The following ARHGAP8 variants were observed in gnomAD, a reference collection of about 807,000 sequenced individuals.
ARHGAP8 encodes Rho GTPase activating protein 8, also known as rho GTPase-activating protein 8.
Under a neutral mutation model 46.1 loss-of-function variants are expected in ARHGAP8, and 62 were observed. The observed-to-expected ratio is 1.34, with a 90% CI of 1.10 to 1.66. The LOEUF (loss-of-function observed/expected upper bound fraction) is 1.66, where lower values mean the gene tolerates loss of function less well. Among genes scored for constraint, ARHGAP8 ranks in the 40% most tolerant of loss-of-function variants. The pLI is 0.00. For synonymous variants in ARHGAP8, 375 were observed against 243.1 expected (o/e 1.54, Z -5.05); for missense variants, 923 against 568.4 (o/e 1.62, Z -6.34).
At chr22:44,827,346 T>TG (rs1930604435) in intron 7 of ARHGAP8, among the ~76,000 whole-genome samples, 1 of 122,738 alleles carries the variant, frequency 8.1e-6, no homozygotes, top group African/African-American at 3.2e-5. Flanking sequence ...GTTTTTTTTT[T>TG]TTTTTTTTTT....
At chr22:44,831,979 C>T (rs1602239161) in intron 7 of ARHGAP8, among the ~76,000 whole-genome samples, 3 of 152,056 alleles carry the variant, frequency 2.0e-5, no homozygotes, top group Admixed American at 1.3e-4. Context: ...AGTATCAGCT[C>T]GTTAATTTCT....
chr22:44,814,337 G>A (rs905345096), intron 4 of ARHGAP8, among the ~76,000 whole-genome samples: 5 of 152,126 alleles, frequency 3.3e-5, no homozygotes, highest in African/African-American at 7.2e-5. Flanking sequence ...GGCTCTGTGC[G>A]GTTTTAATTC....
At chr22:44,860,011 T>G (rs2070390915) in intron 11 of ARHGAP8, among the ~76,000 whole-genome samples, 177 bp downstream of exon 11, 1 of 110,460 alleles carries the variant, frequency 9.1e-6, no homozygotes, top group South Asian at 2.9e-4. Flanking sequence ...GCACCCATGC[T>G]GCTGCGGACC....
intron 7 of ARHGAP8, among the ~76,000 whole-genome samples, chr22:44,840,401 C>T (rs944493163): frequency 6.7e-6 from 1 of 149,328 alleles, no homozygotes; most frequent in Non-Finnish European, 1.5e-5. Flanking sequence ...ATCTTTTTCA[C>T]AGCACACCAC....
intron 11 of ARHGAP8, among the ~76,000 whole-genome samples, chr22:44,861,071 T>G (rs888500511): frequency 6.6e-6 from 1 of 152,202 alleles, no homozygotes; most frequent in Admixed American, 6.5e-5. Flanking sequence ...TGGTGCAATC[T>G]CAGCTCACTG....
At chr22:44,858,446 C>T (rs1176177447) in intron 10 of ARHGAP8, among the ~76,000 whole-genome samples, 3 of 146,486 alleles carry the variant, frequency 2.0e-5, no homozygotes, top group African/African-American at 7.7e-5. Flanking sequence ...CGGCTCAGTG[C>T]AGCCTCTGTC....
At chr22:44,848,845 C>T in intron 9 of ARHGAP8, 87 bp from the exon 10 acceptor site, 3 of 1,584,230 alleles carry the variant, frequency 1.9e-6, no homozygotes, top group South Asian at 1.2e-5. Flanking sequence ...ATCCGGACAT[C>T]TCACGCCCTG....
In ARHGAP8 at chr22:44,862,200, A is replaced by C. The variant is rs1022163010; in HGVS notation, c.982-75A>C. ...TCTCACTACACCTACGCCTCTCCCTAAGTTCGGGAGGGAGTTCCAGGTGCC... is the reference window on the plus strand; with the variant it reads ...TCTCACTACACCTACGCCTCTCCCTCAGTTCGGGAGGGAGTTCCAGGTGCC... On this transcript the variant is annotated intron_variant, in intron 11 of 11. Coordinates refer to ENST00000356099, the MANE Select transcript of ARHGAP8 (RefSeq NM_181335.3). The C allele has an allele frequency of 3.0e-5, 45 of 1,515,100 alleles. No homozygotes were observed. In the Admixed American group the frequency reaches 8.4e-4, roughly 28 times the overall value. 93.9% of individuals were successfully genotyped at this position (1,515,100 alleles called of 1,614,324 possible). A position where few individuals can be genotyped will look rare whatever the true frequency, so the allele number is the denominator to read the frequency against.
At position 44,851,481 on chromosome 22, in the gene ARHGAP8, G is replaced by A. The variant is rs537538419; in HGVS notation, c.877+2421G>A. On this transcript the variant is annotated intron_variant, in intron 10 of 11. Coordinates refer to ENST00000356099, the MANE Select transcript of ARHGAP8 (RefSeq NM_181335.3). ...GGCTGGAGTGCCGTGGCATAATCTC[G>A]GCACACTGCAACCTCCACCTGACAT... 1.1e-4 allele frequency among the ~76,000 whole-genome samples: 16 copies of A among 151,910 alleles called. No individual in the cohort carries two copies. The East Asian group carries it at 2.7e-3, about 26-fold the overall frequency.
rs757666602 is a variant in ARHGAP8, at chr22:44,786,452, C to T, written c.-71-5C>T. On this transcript the variant is annotated splice_region_variant and splice_polypyrimidine_tract_variant and intron_variant, in intron 1 of 11. Transcript: ENST00000356099. Reference sequence around the variant, plus strand: ...ACTGACTTCCTTTAATCTTCTTTGCCGCAGAGCTGCAGAGAGACAAGGCGG... The same window carrying T: ...ACTGACTTCCTTTAATCTTCTTTGCTGCAGAGCTGCAGAGAGACAAGGCGG... 53 of 1,590,088 alleles carry T rather than the reference C, an allele frequency of 3.3e-5. No individual in the cohort carries two copies. Among genetic ancestry groups the T allele is most frequent in the South Asian group, 1.6e-4 (14 of 87,542 alleles).
chr22:44,860,421 C>G (rs879674897), intron 11 of ARHGAP8, among the ~76,000 whole-genome samples: 7 of 152,112 alleles, frequency 4.6e-5, no homozygotes, highest in Non-Finnish European at 8.8e-5. Context: ...TCCAGCTCCC[C>G]CCTGGCCTTT....
chr22:44,846,659 A>G (rs2069964285), intron 8 of ARHGAP8, among the ~76,000 whole-genome samples: 1 of 151,980 alleles, frequency 6.6e-6, no homozygotes, highest in African/African-American at 2.4e-5. Flanking sequence ...AGCCCTCTCC[A>G]ATTCTGCCCC....
At chr22:44,764,954 T>C (rs1029235853) in intron 1 of ARHGAP8, among the ~76,000 whole-genome samples, 24 of 152,222 alleles carry the variant, frequency 1.6e-4, no homozygotes, top group Non-Finnish European at 2.4e-4. Context: ...GGTGCTCACA[T>C]TGAGTGAGGA....
intron 2 of ARHGAP8, among the ~76,000 whole-genome samples, chr22:44,789,447 G>A (rs780110817): frequency 3.3e-5 from 5 of 151,078 alleles, no homozygotes; most frequent in Middle Eastern, 3.2e-3. Context: ...CACTGCGCCC[G>A]GCCGATGCTT....
At chr22:44,813,799 T>C (rs1929541510) in intron 4 of ARHGAP8, among the ~76,000 whole-genome samples, 1 of 148,944 alleles carries the variant, frequency 6.7e-6, no homozygotes, top group Non-Finnish European at 1.5e-5. Flanking sequence ...ACACATACAA[T>C]TACAGTTACA....
At chr22:44,856,449 T>C (rs2070227430) in intron 10 of ARHGAP8, among the ~76,000 whole-genome samples, 1 of 151,902 alleles carries the variant, frequency 6.6e-6, no homozygotes, top group Admixed American at 6.6e-5. Context: ...AATTTTTGTA[T>C]TTTTAGTAGA....
intron 6 of ARHGAP8, among the ~76,000 whole-genome samples, chr22:44,824,073 C>G (rs1224129330): frequency 1.3e-5 from 2 of 152,084 alleles, no homozygotes; most frequent in Non-Finnish European, 1.5e-5. Flanking sequence ...TTTTCTCCAC[C>G]CCCACATACT....
In ARHGAP8 at chr22:44,859,834, G is replaced by A. The variant is rs76060959; in HGVS notation, c.981G>A (p.Ala327=). The A allele has an allele frequency of 2.1e-3, 3,321 of 1,613,308 alleles. 34 individuals are homozygous for A. In the African/African-American group the frequency reaches 0.027, roughly 13 times the overall value. Residue 327 remains alanine (A), a splice_region_variant and synonymous_variant, in exon 11 of 12, where the codon GCG becomes GCA. Coordinates refer to ENST00000356099, the MANE Select transcript of ARHGAP8 (RefSeq NM_181335.3). ...GCTACCTCATGGGCTTCCTGCATGCGGTGAGTGGGGAAGGGGGGAGCTTGG... is the reference window on the plus strand; with the variant it reads ...GCTACCTCATGGGCTTCCTGCATGCAGTGAGTGGGGAAGGGGGGAGCTTGG... ...VLRYLMGFLH[A]VSRESIFNKM...
chr22:44,862,092 A>G (rs573892763), intron 11 of ARHGAP8, among the ~76,000 whole-genome samples, 183 bp from the exon 12 acceptor site: 1 of 152,252 alleles, frequency 6.6e-6, no homozygotes, highest in African/African-American at 2.4e-5. Flanking sequence ...TTCCTTTTAG[A>G]GATAGGGTAA....
Sources: allele counts gnomAD v4.1 joint callset (sites outside exome capture counted in the v4.1 genomes callset), GRCh38; gene constraint gnomAD v4.1.1; transcripts MANE v1.5; gene names NCBI Gene and HGNC (gene_info 2026-07-23, HGNC 2026-07-21).